The following CCR3 variants were observed in gnomAD, a reference collection of about 807,000 sequenced individuals.
CCR3 encodes the protein C-C motif chemokine receptor 3, also known as C-C chemokine receptor type 3.
For missense variants in CCR3, 419 were observed against 437.5 expected (o/e 0.96, Z 0.38); for synonymous variants, 203 against 179.2 (o/e 1.13, Z -1.06).
intron 2 of CCR3, among the ~76,000 whole-genome samples, chr3:46,211,217 T>G (rs368124274): frequency 0.094 from 13,189 of 140,232 alleles, 617 homozygotes; most frequent in Non-Finnish European, 0.14. Flanking sequence ...TTTTTTTTTT[T>G]AGACAAGGTC....
chr3:46,242,980 C>CATATATATATATATATATAT (rs758465669), intron 1 of CCR3, among the ~76,000 whole-genome samples: 75 of 98,912 alleles, frequency 7.6e-4, no homozygotes, highest in African/African-American at 2.5e-3. Context: ...TATATATATA[C>CATATATATATATATATATAT]ACATATATAT....
At chr3:46,230,382 A>G (rs1699948615) in intron 2 of CCR3, among the ~76,000 whole-genome samples, 1 of 152,124 alleles carries the variant, frequency 6.6e-6, no homozygotes, top group South Asian at 2.1e-4. Context: ...GAGTGAACAG[A>G]AATACTCCAC....
chr3:46,226,269 G>A (rs916942798), intron 2 of CCR3, among the ~76,000 whole-genome samples: 1 of 152,054 alleles, frequency 6.6e-6, no homozygotes. Context: ...GATTAATTTG[G>A]GGAAAATTGA....
At chr3:46,239,969 C>T (rs921821048), upstream of CCR3, among the ~76,000 whole-genome samples, 2 of 152,214 alleles carry the variant, frequency 1.3e-5, no homozygotes, top group African/African-American at 4.8e-5. Context: ...ACTGTGAACT[C>T]GTCAACTCTT....
chr3:46,235,116 G>C (rs911712724), intron 2 of CCR3, among the ~76,000 whole-genome samples: 55 of 152,206 alleles, frequency 3.6e-4, no homozygotes, highest in Admixed American at 2.0e-4. Flanking sequence ...TCTTGAAAGA[G>C]AGCTGCCTGT....
intron 2 of CCR3, among the ~76,000 whole-genome samples, chr3:46,224,397 G>A (rs1262759997): frequency 2.0e-5 from 3 of 151,002 alleles, no homozygotes; most frequent in Non-Finnish European, 3.0e-5. Context: ...AGGAGTTCAG[G>A]ACCAGCCTGG....
At chr3:46,226,804 G>A (rs1294135083) in intron 2 of CCR3, among the ~76,000 whole-genome samples, 1 of 151,888 alleles carries the variant, frequency 6.6e-6, no homozygotes, top group Non-Finnish European at 1.5e-5. Flanking sequence ...TTATCAAGTT[G>A]AGGAAGTGTC....
chr3:46,215,731 G>A (rs1358087803), intron 2 of CCR3, among the ~76,000 whole-genome samples: 1 of 152,228 alleles, frequency 6.6e-6, no homozygotes, highest in East Asian at 1.9e-4. Flanking sequence ...CCTGGGGCTA[G>A]AGAAATGAGT....
At chr3:46,255,350 G>A (rs953287368) in intron 1 of CCR3, among the ~76,000 whole-genome samples, 5 of 152,022 alleles carry the variant, frequency 3.3e-5, no homozygotes, top group African/African-American at 9.7e-5. Context: ...TTGGTGGTCT[G>A]TTTACTCTGC....
At chr3:46,239,491 C>T (rs927074156), upstream of CCR3, among the ~76,000 whole-genome samples, 4 of 152,164 alleles carry the variant, frequency 2.6e-5, no homozygotes, top group African/African-American at 9.7e-5. Flanking sequence ...CTCAGGAAGG[C>T]TACATGACTC....
Position 46,261,151 on chromosome 3 carries a change from C to T in CCR3, c.-11-3997C>T, listed in dbSNP as rs533300650. ...GATATTGTAAAGTTATCAATTCTTCCTAAATTTATTTACAAATGTAACACA... is the reference window on the plus strand; with the variant it reads ...GATATTGTAAAGTTATCAATTCTTCTTAAATTTATTTACAAATGTAACACA... On this transcript the variant is annotated intron_variant, in intron 1 of 1. Coordinates refer to ENST00000395940, the MANE Select transcript of CCR3 (RefSeq NM_178329.3). Among the ~76,000 whole-genome samples the T allele has an allele frequency of 7.8e-4, 119 of 152,222 alleles. 2 individuals are homozygous for T. Among genetic ancestry groups the T allele is most frequent in the Middle Eastern group, 3.4e-3 (1 of 294 alleles).
chr3:46,234,229 AG>A (rs1424602948), intron 2 of CCR3, among the ~76,000 whole-genome samples: 2 of 152,226 alleles, frequency 1.3e-5, no homozygotes, highest in Non-Finnish European at 2.9e-5. Context: ...AGGACTTCTC[AG>A]GGGCCTTTAA....
At chr3:46,233,127 G>A (rs757017063) in intron 2 of CCR3, among the ~76,000 whole-genome samples, 5 of 152,218 alleles carry the variant, frequency 3.3e-5, no homozygotes, top group East Asian at 1.9e-4. Context: ...CACTGCACCC[G>A]GCCCATAGTC....
chr3:46,253,384 C>G (rs1380344227), intron 1 of CCR3, among the ~76,000 whole-genome samples: 1 of 152,078 alleles, frequency 6.6e-6, no homozygotes, highest in Non-Finnish European at 1.5e-5. Flanking sequence ...TCTCATCTGC[C>G]CAGCCAGTAT....
intron 2 of CCR3, among the ~76,000 whole-genome samples, chr3:46,224,607 C>T (rs1408042376): frequency 6.6e-6 from 1 of 151,848 alleles, no homozygotes; most frequent in Non-Finnish European, 1.5e-5. Context: ...CATCGTGGCA[C>T]ACACCTGTAA....
chr3:46,265,783 G>A lies in CCR3; in HGVS notation c.625G>A (p.Val209Ile), dbSNP rs146703988. 76 of 1,613,578 alleles carry A rather than the reference G, an allele frequency of 4.7e-5. No individual in the cohort carries two copies. Among genetic ancestry groups the A allele is most frequent in the African/African-American group, 1.1e-4 (8 of 74,854 alleles). ...HTLRMTIFCL[V>I]LPLLVMAICY... ...TCTGAGAATGACCATCTTCTGTCTC[G>A]TTCTCCCTCTGCTCGTTATGGCCAT... The change falls in exon 2 of 2, where the codon GTT becomes ATT. Residue 209 changes from valine to isoleucine, a missense_variant. Coordinates refer to ENST00000395940, the MANE Select transcript of CCR3 (RefSeq NM_178329.3).
chr3:46,265,673 A>G lies in CCR3; in HGVS notation c.515A>G (p.Tyr172Cys), dbSNP rs1700613169. Residue 172 changes from tyrosine (Y) to cysteine (C), a missense_variant, in exon 2 of 2, where the codon TAT becomes TGT. By Grantham distance (194) the Tyr-to-Cys change is radical (BLOSUM62 -2). Transcript: ENST00000395940. ...VLAALPEFIFYETEELFEETL... is the reference protein window; with the variant it reads ...VLAALPEFIFCETEELFEETL... The stretch of plus-strand genomic sequence containing the variant: ...GCAGCTCTTCCTGAATTTATCTTCT[A>G]TGAGACTGAAGAGTTGTTTGAAGAG... 9 of 1,613,972 alleles carry G rather than the reference A, an allele frequency of 5.6e-6. No individual in the cohort carries two copies. The highest frequency in any genetic ancestry group is 7.6e-6 in the Non-Finnish European group (9 of 1,180,012).
chr3:46,222,842 G>A (rs538639378), intron 2 of CCR3, among the ~76,000 whole-genome samples: 23 of 152,330 alleles, frequency 1.5e-4, no homozygotes, highest in Admixed American at 3.9e-4. Context: ...CTTGGTAAAT[G>A]TTCAGCCGAT....
intron 1 of CCR3, among the ~76,000 whole-genome samples, chr3:46,256,667 G>A (rs1046292917): frequency 8.8e-4 from 134 of 152,194 alleles, no homozygotes; most frequent in African/African-American, 3.2e-3. Context: ...AATAAATAGT[G>A]TCAAAATTTT....
Sources: allele counts gnomAD v4.1 joint callset (sites outside exome capture counted in the v4.1 genomes callset), GRCh38; gene constraint gnomAD v4.1.1; transcripts MANE v1.5; gene names NCBI Gene and HGNC (gene_info 2026-07-23, HGNC 2026-07-21).